The following TENM3 variants were observed in gnomAD, a reference collection of about 807,000 sequenced individuals.
The protein encoded by TENM3 is teneurin-3.
TENM3 carries 63 observed loss-of-function variants against 255.1 expected under a neutral mutation model. That is an observed-to-expected ratio of 0.25 (90% CI 0.20 to 0.30). The LOEUF (loss-of-function observed/expected upper bound fraction) is 0.30. Ranked by LOEUF, TENM3 falls within the 10% of genes least tolerant of loss-of-function variation. The pLI is 1.00. For missense variants in TENM3, 2,929 were observed against 3,461.1 expected (o/e 0.85, Z 3.86); for synonymous variants, 1,306 against 1,322.3 (o/e 0.99, Z 0.27).
At chr4:181,816,337 G>A in the TENM3 span, among the ~76,000 whole-genome samples, 1 of 152,032 alleles carries the variant, frequency 6.6e-6, no homozygotes, top group Admixed American at 6.6e-5. Flanking sequence ...TATCACACCT[G>A]ACATTTTGCT....
the TENM3 span, among the ~76,000 whole-genome samples, chr4:181,475,880 T>A: frequency 6.6e-6 from 1 of 152,242 alleles, no homozygotes; most frequent in East Asian, 1.9e-4. Context: ...CAAAGCTTGA[T>A]GTTCTCCTTT....
the TENM3 span, among the ~76,000 whole-genome samples, chr4:181,553,915 CG>C: frequency 6.6e-6 from 1 of 152,124 alleles, no homozygotes; most frequent in Non-Finnish European, 1.5e-5. Context: ...TCCATCCCCC[CG>C]CTCTCTGAGT....
At chr4:181,546,708 C>T in the TENM3 span, among the ~76,000 whole-genome samples, 11 of 123,026 alleles carry the variant, frequency 8.9e-5, no homozygotes, top group Non-Finnish European at 1.6e-4. Flanking sequence ...AGCGAGACTC[C>T]GTCTCAGAAA....
At chr4:182,090,367 TC>T in the TENM3 span, among the ~76,000 whole-genome samples, 2 of 152,318 alleles carry the variant, frequency 1.3e-5, no homozygotes, top group South Asian at 4.1e-4. Context: ...CAGCAGCTGC[TC>T]CATCAGTCCA....
intron 1 of TENM3, among the ~76,000 whole-genome samples, chr4:182,312,250 A>G (rs1762490549): frequency 6.6e-6 from 1 of 152,180 alleles, no homozygotes; most frequent in African/African-American, 2.4e-5. Context: ...AGTCCCCAGT[A>G]CTTTGGGAGG....
chr4:182,757,067 C>T (rs2152758363), intron 22 of TENM3, among the ~76,000 whole-genome samples: 1 of 152,132 alleles, frequency 6.6e-6, no homozygotes, highest in Admixed American at 6.5e-5. Context: ...AATCCCAGCA[C>T]TTTGGGAGGC....
intron 13 of TENM3, among the ~76,000 whole-genome samples, chr4:182,717,418 T>A (rs1275886052): frequency 6.6e-6 from 1 of 152,200 alleles, no homozygotes; most frequent in Non-Finnish European, 1.5e-5. Flanking sequence ...ACAGCTGTCA[T>A]GTACGCTGGG....
intron 13 of TENM3, among the ~76,000 whole-genome samples, chr4:182,728,254 T>G (rs1760390357): frequency 6.6e-6 from 1 of 152,226 alleles, no homozygotes; most frequent in East Asian, 1.9e-4. Flanking sequence ...CTCCCAAATT[T>G]TAGAGCTTCG....
chr4:181,767,192 C>T, the TENM3 span, among the ~76,000 whole-genome samples: 3 of 140,170 alleles, frequency 2.1e-5, no homozygotes, highest in Admixed American at 7.8e-5. Flanking sequence ...GCGGAGCTTG[C>T]AGTGAGCCGA....
At chr4:182,440,352 T>G (rs373707669) in intron 3 of TENM3, among the ~76,000 whole-genome samples, 43 of 152,152 alleles carry the variant, frequency 2.8e-4, no homozygotes, top group African/African-American at 9.9e-4. Flanking sequence ...GACCTCATGA[T>G]CCACCCGCCT....
At chr4:181,889,306 G>A in the TENM3 span, among the ~76,000 whole-genome samples, 95 of 152,084 alleles carry the variant, frequency 6.2e-4, no homozygotes, top group African/African-American at 5.5e-4. Context: ...CTGCTCTCTC[G>A]CTTCCACTCT....
At chr4:182,029,134 C>A in the TENM3 span, among the ~76,000 whole-genome samples, 1 of 152,028 alleles carries the variant, frequency 6.6e-6, no homozygotes, top group African/African-American at 2.4e-5. Flanking sequence ...AGGAAGCTTA[C>A]AATCATGGCA....
At chr4:182,755,691 A>T (rs1002626223) in intron 22 of TENM3, among the ~76,000 whole-genome samples, 39 of 152,124 alleles carry the variant, frequency 2.6e-4, no homozygotes, top group African/African-American at 8.9e-4. Context: ...TACAAAAAAA[A>T]TAGCCGGGCG....
chr4:182,739,095 C>G (rs1761407096), intron 18 of TENM3, among the ~76,000 whole-genome samples: 1 of 151,110 alleles, frequency 6.6e-6, no homozygotes, highest in Non-Finnish European at 1.5e-5. Context: ...TTCTGCCACT[C>G]AAATGGGGTC....
At chr4:182,439,698 C>G (rs776217526) in intron 3 of TENM3, among the ~76,000 whole-genome samples, 1 of 152,198 alleles carries the variant, frequency 6.6e-6, no homozygotes. Flanking sequence ...CATTATTCTA[C>G]TAGAATTATT....
chr4:182,602,662 C>A (rs1486818232), intron 4 of TENM3, among the ~76,000 whole-genome samples: 1 of 152,082 alleles, frequency 6.6e-6, no homozygotes, highest in African/African-American at 2.4e-5. Flanking sequence ...AGAGAAAGAA[C>A]AGGAAAAATA....
chr4:181,905,568 G>A, the TENM3 span, among the ~76,000 whole-genome samples: 1 of 142,398 alleles, frequency 7.0e-6, no homozygotes, highest in Non-Finnish European at 1.5e-5. Context: ...TTTTGAAGAT[G>A]TTTTCTTTTA....
intron 1 of TENM3, among the ~76,000 whole-genome samples, chr4:182,171,581 A>G (rs1003369577): frequency 6.6e-6 from 1 of 152,162 alleles, no homozygotes; most frequent in Non-Finnish European, 1.5e-5. Context: ...CTCCTACCGC[A>G]GTCTCTCAGT....
the TENM3 span, among the ~76,000 whole-genome samples, chr4:181,484,222 G>A: frequency 3.9e-5 from 6 of 151,928 alleles, no homozygotes; most frequent in South Asian, 8.3e-4. Flanking sequence ...CACAGTAAGC[G>A]GCCACATTAA....
Sources: allele counts gnomAD v4.1 joint callset (sites outside exome capture counted in the v4.1 genomes callset), GRCh38; gene constraint gnomAD v4.1.1; transcripts MANE v1.5; gene names NCBI Gene and HGNC (gene_info 2026-07-23, HGNC 2026-07-21).